RAB3C: variants seen among roughly 807,000 people sequenced by gnomAD.
RAB3C encodes RAB3C, member RAS oncogene family.
Under a neutral mutation model 26.4 loss-of-function variants are expected in RAB3C, and 17 were observed. The observed-to-expected ratio is 0.64, with a 90% CI of 0.44 to 0.97. The LOEUF is 0.97. RAB3C is among the 50% of genes least tolerant of loss of function. RAB3C has a pLI of 0.00. For synonymous variants in RAB3C, 91 were observed against 95.9 expected, an observed-to-expected ratio of 0.95 and a Z score of 0.30; for missense variants, 242 against 281.9, an observed-to-expected ratio of 0.86 and a Z score of 1.01.
chr5:58,831,520 A>G (rs796683202), intron 4 of RAB3C, among the ~76,000 whole-genome samples: 12 of 152,320 alleles, frequency 7.9e-5, no homozygotes, highest in African/African-American at 2.9e-4. Context: ...TCCAAATTAC[A>G]CTGAGATGAT....
chr5:58,714,863 A>G (rs1260880353), intron 2 of RAB3C, among the ~76,000 whole-genome samples: 1 of 152,016 alleles, frequency 6.6e-6, no homozygotes, highest in Non-Finnish European at 1.5e-5. Context: ...TAATCAGACC[A>G]AATGTCATAG....
chr5:58,759,636 G>T (rs1282903525), intron 3 of RAB3C, among the ~76,000 whole-genome samples: 2 of 152,162 alleles, frequency 1.3e-5, no homozygotes, highest in Non-Finnish European at 2.9e-5. Flanking sequence ...TTACATATTA[G>T]AAAGGAGGAT....
At chr5:58,768,058 G>C (rs575823521) in intron 3 of RAB3C, among the ~76,000 whole-genome samples, 30 of 152,266 alleles carry the variant, frequency 2.0e-4, no homozygotes, top group Middle Eastern at 6.8e-3. Flanking sequence ...TAGGCCATAT[G>C]TAGTGAACCT....
chr5:58,726,681 T>C (rs1157504228), intron 3 of RAB3C, among the ~76,000 whole-genome samples: 5 of 151,990 alleles, frequency 3.3e-5, no homozygotes, highest in Admixed American at 3.3e-4. Context: ...ATTTGTTAAA[T>C]AGGTTATTCA....
chr5:58,800,763 G>A (rs1236986387), intron 3 of RAB3C, among the ~76,000 whole-genome samples: 1 of 152,196 alleles, frequency 6.6e-6, no homozygotes. Flanking sequence ...AGACTGGACA[G>A]AGTCAGGGTC....
At chr5:58,729,741 A>T (rs1740968019) in intron 3 of RAB3C, among the ~76,000 whole-genome samples, 1 of 142,604 alleles carries the variant, frequency 7.0e-6, no homozygotes, top group Non-Finnish European at 1.5e-5. Flanking sequence ...ATTGTATTTT[A>T]TATTTATATT....
chr5:58,598,692 T>G (rs1459022510), intron 1 of RAB3C, among the ~76,000 whole-genome samples: 1 of 152,110 alleles, frequency 6.6e-6, no homozygotes, highest in Non-Finnish European at 1.5e-5. Context: ...TGCCTCAGTG[T>G]CTTAGCTTCT....
At chr5:58,622,055 C>T (rs1225145117) in intron 2 of RAB3C, among the ~76,000 whole-genome samples, 4 of 152,160 alleles carry the variant, frequency 2.6e-5, no homozygotes, top group Non-Finnish European at 5.9e-5. Flanking sequence ...AAGTAATAGA[C>T]ACATTTATAC....
chr5:58,748,641 C>G (rs867269199), intron 3 of RAB3C, among the ~76,000 whole-genome samples: 3 of 151,854 alleles, frequency 2.0e-5, no homozygotes, highest in East Asian at 3.9e-4. Flanking sequence ...TATCTCCCTT[C>G]CAGAAATGAA....
chr5:58,710,212 T>C (rs1384471201), intron 2 of RAB3C, among the ~76,000 whole-genome samples: 1 of 152,188 alleles, frequency 6.6e-6, no homozygotes, highest in Admixed American at 6.5e-5. Context: ...AGATGAAATA[T>C]TATTTTAAAA....
chr5:58,661,711 C>T (rs1747909433), intron 2 of RAB3C, among the ~76,000 whole-genome samples: 1 of 147,812 alleles, frequency 6.8e-6, no homozygotes. Context: ...GGCTAGTTTA[C>T]TGAATCCATT....
intron 2 of RAB3C, among the ~76,000 whole-genome samples, chr5:58,687,773 A>G (rs951410189): frequency 1.3e-5 from 2 of 152,160 alleles, no homozygotes; most frequent in African/African-American, 4.8e-5. Context: ...CACTCAAGAT[A>G]TACTAAAGAA....
intron 2 of RAB3C, among the ~76,000 whole-genome samples, chr5:58,626,146 C>G (rs1335780346): frequency 1.3e-5 from 2 of 152,120 alleles, no homozygotes; most frequent in Non-Finnish European, 2.9e-5. Flanking sequence ...GTCAAACTGT[C>G]CGTCTTCATG....
chr5:58,805,651 G>A (rs1742925265), intron 3 of RAB3C, among the ~76,000 whole-genome samples: 1 of 151,552 alleles, frequency 6.6e-6, no homozygotes, highest in African/African-American at 2.4e-5. Context: ...TAGTATTCAA[G>A]GCAGAGAACA....
intron 2 of RAB3C, among the ~76,000 whole-genome samples, chr5:58,660,953 A>C (rs1178049551): frequency 6.7e-6 from 1 of 149,870 alleles, no homozygotes; most frequent in South Asian, 2.1e-4. Flanking sequence ...GCAGAGGAGC[A>C]CATGCAAATT....
intron 1 of RAB3C, among the ~76,000 whole-genome samples, chr5:58,596,753 A>AAT (rs1746277350): frequency 1.7e-5 from 1 of 59,538 alleles, no homozygotes; most frequent in Non-Finnish European, 3.1e-5. Flanking sequence ...TATAATACAT[A>AAT]ATATATAAAT....
chr5:58,774,543 T>C (rs1276530253), intron 3 of RAB3C, among the ~76,000 whole-genome samples: 3 of 152,058 alleles, frequency 2.0e-5, no homozygotes, highest in Admixed American at 1.3e-4. Flanking sequence ...TGCCCTTTAA[T>C]GGAGGTGGGT....
At chr5:58,806,378 C>G (rs553330666) in intron 3 of RAB3C, among the ~76,000 whole-genome samples, 1 of 152,094 alleles carries the variant, frequency 6.6e-6, no homozygotes, top group Non-Finnish European at 1.5e-5. Context: ...CTCAGGCAAC[C>G]AATACATCAA....
At chr5:58,805,360 G>C (rs1310073482) in intron 3 of RAB3C, among the ~76,000 whole-genome samples, 1 of 152,078 alleles carries the variant, frequency 6.6e-6, no homozygotes, top group African/African-American at 2.4e-5. Context: ...AAGATGGACA[G>C]ATTGTGAATT....
Sources: allele counts gnomAD v4.1 joint callset (sites outside exome capture counted in the v4.1 genomes callset), GRCh38; gene constraint gnomAD v4.1.1; transcripts MANE v1.5; gene names NCBI Gene and HGNC (gene_info 2026-07-23, HGNC 2026-07-21).